GRIP1: variants seen among roughly 807,000 people sequenced by gnomAD.
GRIP1 encodes the protein glutamate receptor interacting protein 1.
A neutral mutation model predicts 129.9 loss-of-function variants in GRIP1; 45 were observed. The observed-to-expected ratio is 0.35, with a 90% CI of 0.27 to 0.44. The LOEUF (loss-of-function observed/expected upper bound fraction) is 0.44. Among genes scored for constraint, GRIP1 ranks in the 20% least tolerant of loss-of-function variants. GRIP1 has a pLI of 1.00. For synonymous variants in GRIP1, 530 were observed against 520.8 expected (o/e 1.02, Z -0.24); for missense variants, 1,196 against 1,396.8 (o/e 0.86, Z 2.29).
At position 66,932,345 on chromosome 12, in the gene GRIP1, C is replaced by T. The variant is rs552988489; in HGVS notation, c.58+136705G>A. Among the ~76,000 whole-genome samples the T allele has an allele frequency of 5.3e-5, 8 of 152,292 alleles. No homozygotes were observed. In the South Asian group the frequency reaches 1.7e-3, roughly 32 times the overall value. ...TATTAATACCTAACTGATTTTACTCCATTAGTCATTTGAGAAAGTTAATAA... is the reference window on the plus strand; with the variant it reads ...TATTAATACCTAACTGATTTTACTCTATTAGTCATTTGAGAAAGTTAATAA... On this transcript the variant is annotated intron_variant, in intron 1 of 1. Transcript: ENST00000643019.
In GRIP1 at chr12:66,744,665, A is replaced by G. The variant is rs7961858; in HGVS notation, c.-420+59388T>C. On this transcript the variant is annotated intron_variant, in intron 1 of 4. Transcript: ENST00000538373. ...CTAGAGGCCTGGCCCATCAGCCCAT[A>G]TATCTCCTGTCTTTGCACATTAGCC... Among the ~76,000 whole-genome samples, 225 of 152,186 alleles carry G rather than the reference A, an allele frequency of 1.5e-3. 1 individual carries two copies. The highest frequency in any genetic ancestry group is 5.1e-3 in the African/African-American group (212 of 41,542).
chr12:66,619,319 A>G (rs1022467947), intron 1 of GRIP1, among the ~76,000 whole-genome samples: 1 of 152,114 alleles, frequency 6.6e-6, no homozygotes, highest in Non-Finnish European at 1.5e-5. Context: ...ATAATTCATA[A>G]TTTTAAAATG....
At chr12:67,067,902 C>A (rs144011624) in intron 1 of GRIP1, among the ~76,000 whole-genome samples, 1 of 152,238 alleles carries the variant, frequency 6.6e-6, no homozygotes, top group Non-Finnish European at 1.5e-5. Flanking sequence ...GCCGCTTAAC[C>A]TCAGCACCGG....
At chr12:67,025,092 A>G (rs1426959850) in intron 1 of GRIP1, among the ~76,000 whole-genome samples, 1 of 152,216 alleles carries the variant, frequency 6.6e-6, no homozygotes, top group African/African-American at 2.4e-5. Flanking sequence ...TAATACCAGC[A>G]CTTTGGGGGG....
chr12:66,972,982 TTAA>T (rs1202464270), intron 1 of GRIP1, among the ~76,000 whole-genome samples: 1 of 152,172 alleles, frequency 6.6e-6, no homozygotes, highest in African/African-American at 2.4e-5. Flanking sequence ...AATGGCAGTA[TTAA>T]TGATAGCCCT....
At chr12:66,814,605 A>G (rs2039170076) in intron 1 of GRIP1, among the ~76,000 whole-genome samples, 1 of 151,806 alleles carries the variant, frequency 6.6e-6, no homozygotes, top group Admixed American at 6.6e-5. Context: ...AAAAAAAAAA[A>G]AGCAATGACC....
At chr12:66,618,615 T>C (rs2065141669) in intron 1 of GRIP1, among the ~76,000 whole-genome samples, 2 of 152,174 alleles carry the variant, frequency 1.3e-5, no homozygotes, top group Admixed American at 6.6e-5. Flanking sequence ...TTACTGAATA[T>C]ACTTAAAATA....
At chr12:66,374,661 A>G (rs938848594) in intron 22 of GRIP1, among the ~76,000 whole-genome samples, 3 of 152,238 alleles carry the variant, frequency 2.0e-5, no homozygotes, top group African/African-American at 7.2e-5. Context: ...AAGTAAAACA[A>G]TCACTACAAC....
At chr12:66,351,367 T>G (rs2054211240) in intron 24 of GRIP1, among the ~76,000 whole-genome samples, 1 of 152,180 alleles carries the variant, frequency 6.6e-6, no homozygotes. Flanking sequence ...CTTTCCTAAA[T>G]AAAACTATAC....
intron 23 of GRIP1, among the ~76,000 whole-genome samples, chr12:66,369,317 T>C (rs1049843633): frequency 9.0e-5 from 13 of 144,958 alleles, no homozygotes; most frequent in Non-Finnish European, 4.4e-5. Flanking sequence ...TGGATGATAC[T>C]TTTTTTTTCT....
intron 1 of GRIP1, among the ~76,000 whole-genome samples, chr12:66,889,517 T>C (rs189068141): frequency 6.6e-6 from 1 of 152,320 alleles, no homozygotes; most frequent in Non-Finnish European, 1.5e-5. Flanking sequence ...TAATCCAACA[T>C]TGCACATTAT....
At chr12:66,740,164 ATGCCATGTCT>A in intron 1 of GRIP1, among the ~76,000 whole-genome samples, 1 of 152,176 alleles carries the variant, frequency 6.6e-6, no homozygotes, top group South Asian at 2.1e-4. Context: ...CCTTGTTGCT[ATGCCATGTCT>A]GTTAGATCAC....
In GRIP1 at chr12:66,858,795, G is replaced by C. The variant is rs150346515; in HGVS notation, c.58+210255C>G. 4.6e-4 allele frequency among the ~76,000 whole-genome samples: 70 copies of C among 151,992 alleles called. 1 individual carries two copies. In the East Asian group the frequency reaches 0.013, roughly 28 times the overall value. Reference sequence around the variant, plus strand: ...GAATTAAAGATGAGCTAGTGGTATGGGGGGAGAGGGGGATATGAGGGAAAT... The same window carrying C: ...GAATTAAAGATGAGCTAGTGGTATGCGGGGAGAGGGGGATATGAGGGAAAT... On this transcript the variant is annotated intron_variant, in intron 1 of 1. Coordinates refer to the GRIP1 transcript ENST00000643019.
At chr12:66,560,368 T>G (rs538344252) in intron 2 of GRIP1, among the ~76,000 whole-genome samples, 10 of 152,044 alleles carry the variant, frequency 6.6e-5, no homozygotes, top group African/African-American at 2.4e-4. Context: ...AAACAATCAA[T>G]AAAGTGAAGA....
chr12:66,666,565 C>T (rs150114669), intron 1 of GRIP1, among the ~76,000 whole-genome samples: 2,046 of 152,124 alleles, frequency 0.013, 43 homozygotes, highest in African/African-American at 0.046. Context: ...CTTCATCAGG[C>T]CTTCTGCCTT....
chr12:66,992,883 C>G (rs2042414256), intron 1 of GRIP1, among the ~76,000 whole-genome samples: 1 of 152,084 alleles, frequency 6.6e-6, no homozygotes, highest in South Asian at 2.1e-4. Flanking sequence ...GAGGCCAAGG[C>G]AGGCAGGCTG....
At chr12:66,911,209 T>C (rs1429854470) in intron 1 of GRIP1, among the ~76,000 whole-genome samples, 1 of 152,226 alleles carries the variant, frequency 6.6e-6, no homozygotes, top group Non-Finnish European at 1.5e-5. Flanking sequence ...TGCTTTAATA[T>C]CTGGAAATTG....
chr12:66,989,598 C>T (rs1013744918), intron 1 of GRIP1, among the ~76,000 whole-genome samples: 1 of 152,176 alleles, frequency 6.6e-6, no homozygotes, highest in Non-Finnish European at 1.5e-5. Flanking sequence ...CATCATTAAA[C>T]AGAAAATCTT....
intron 13 of GRIP1, among the ~76,000 whole-genome samples, chr12:66,434,886 T>C (rs1328547609): frequency 6.6e-6 from 1 of 152,224 alleles, no homozygotes; most frequent in Non-Finnish European, 1.5e-5. Context: ...AGCCTGTGCC[T>C]GGCCTTGACA....
Sources: allele counts gnomAD v4.1 joint callset (sites outside exome capture counted in the v4.1 genomes callset), GRCh38; gene constraint gnomAD v4.1.1; transcripts MANE v1.5; gene names NCBI Gene and HGNC (gene_info 2026-07-23, HGNC 2026-07-21).